RNF150: variants seen among roughly 807,000 people sequenced by gnomAD.
RNF150 encodes ring finger protein 150.
Under a neutral mutation model 39.3 loss-of-function variants are expected in RNF150, and 24 were observed. The ratio of observed to expected loss-of-function variants is 0.61; its 90% CI spans 0.44 to 0.86. RNF150 has a LOEUF of 0.86. Ranked by LOEUF, RNF150 falls within the 40% of genes least tolerant of loss-of-function variation. The pLI, the probability that RNF150 is intolerant of heterozygous loss-of-function variation, is 0.00. For synonymous variants in RNF150, 255 were observed against 227.3 expected (o/e 1.12, Z -1.10); for missense variants, 502 against 587.8 (o/e 0.85, Z 1.51).
At chr4:141,163,436 A>G (rs1373889547) in intron 1 of RNF150, among the ~76,000 whole-genome samples, 1 of 152,224 alleles carries the variant, frequency 6.6e-6, no homozygotes, top group Admixed American at 6.5e-5. Context: ...ATCTCTCAGC[A>G]CAGCACTCAA....
chr4:140,957,119 A>G (rs1732789370), intron 2 of RNF150, among the ~76,000 whole-genome samples: 1 of 150,214 alleles, frequency 6.7e-6, no homozygotes, highest in Non-Finnish European at 1.5e-5. Flanking sequence ...TGAACAGGCA[A>G]CCTACAAAAT....
intron 1 of RNF150, among the ~76,000 whole-genome samples, chr4:141,010,376 C>T (rs1236015613): frequency 6.6e-6 from 1 of 152,100 alleles, no homozygotes; most frequent in African/African-American, 2.4e-5. Flanking sequence ...TTTTGATTTA[C>T]TCAGGTTGAA....
At chr4:140,957,287 A>G (rs1732798501) in intron 2 of RNF150, among the ~76,000 whole-genome samples, 2 of 152,146 alleles carry the variant, frequency 1.3e-5, no homozygotes, top group Admixed American at 1.3e-4. Flanking sequence ...GCAGCCAAAA[A>G]ACACATGAAA....
chr4:141,052,347 T>C (rs1216767250), intron 1 of RNF150, among the ~76,000 whole-genome samples: 1 of 152,164 alleles, frequency 6.6e-6, no homozygotes, highest in African/African-American at 2.4e-5. Context: ...ATACGTAATA[T>C]TTCACATTAG....
chr4:141,187,902 GT>G (rs1327597293), intron 1 of RNF150, among the ~76,000 whole-genome samples: 22 of 152,158 alleles, frequency 1.4e-4, no homozygotes, highest in Middle Eastern at 3.4e-3. Context: ...ATGTTAGCTG[GT>G]TTTTTTGCAT....
chr4:141,056,424 A>G (rs1736974458), intron 1 of RNF150, among the ~76,000 whole-genome samples: 1 of 152,072 alleles, frequency 6.6e-6, no homozygotes, highest in Non-Finnish European at 1.5e-5. Context: ...CAAAATACTT[A>G]AACACCTGCC....
At chr4:141,064,268 G>A (rs1737365169) in intron 1 of RNF150, among the ~76,000 whole-genome samples, 2 of 152,168 alleles carry the variant, frequency 1.3e-5, no homozygotes, top group African/African-American at 2.4e-5. Flanking sequence ...AGATCTGAAC[G>A]TCGTGGACTC....
intron 1 of RNF150, among the ~76,000 whole-genome samples, chr4:141,074,561 G>A (rs150487806): frequency 2.6e-5 from 4 of 152,246 alleles, no homozygotes; most frequent in Non-Finnish European, 5.9e-5. Flanking sequence ...TAGAGGACTA[G>A]AGTAATAAAA....
chr4:140,959,297 TTA>T (rs1317977011), intron 2 of RNF150, among the ~76,000 whole-genome samples: 1 of 152,066 alleles, frequency 6.6e-6, no homozygotes, highest in Non-Finnish European at 1.5e-5. Flanking sequence ...GGTGTGACAT[TTA>T]TGTCTGATTA....
rs867505675 is a variant in RNF150 at position 141,098,942 on chromosome 4, A to G, written c.484+33383T>C. ...ATTTTTCTAGTTGTTTTTAACAATC[A>G]CGAGAATGGAGTTCCTTGAGCACTT... On this transcript the variant is annotated intron_variant, in intron 1 of 6. Coordinates refer to ENST00000515673, the MANE Select transcript of RNF150 (RefSeq NM_020724.2). Among the ~76,000 whole-genome samples the G allele has an allele frequency of 7.2e-5, 11 of 152,266 alleles. 1 individual carries two copies. Among genetic ancestry groups the G allele is most frequent in the Middle Eastern group, 3.4e-3 (1 of 294 alleles).
intron 4 of RNF150, among the ~76,000 whole-genome samples, chr4:140,932,869 T>G (rs754496108): frequency 5.1e-4 from 77 of 152,322 alleles, no homozygotes; most frequent in Middle Eastern, 3.4e-3. Flanking sequence ...TAACAATGTT[T>G]GAGATAGTGA....
chr4:141,061,735 C>CA (rs1737237787), intron 1 of RNF150, among the ~76,000 whole-genome samples: 1 of 152,126 alleles, frequency 6.6e-6, no homozygotes, highest in East Asian at 1.9e-4. Flanking sequence ...CAACTACACA[C>CA]AAAAAAATTA....
intron 1 of RNF150, among the ~76,000 whole-genome samples, chr4:141,179,745 C>T (rs1216596658): frequency 3.3e-5 from 5 of 152,108 alleles, no homozygotes; most frequent in Admixed American, 2.0e-4. Context: ...TATACCATGT[C>T]GCAGGGGAAA....
At position 140,967,452 on chromosome 4, in the gene RNF150, C is replaced by G. The variant is rs755892464; in HGVS notation, c.735+171G>C. ...TTTACATAAAAACACAGTAAAACAT[C>G]AAAATAGATATATTTGGATAATATC... On this transcript the variant is annotated intron_variant, in intron 2 of 6. Coordinates refer to ENST00000515673, the MANE Select transcript of RNF150 (RefSeq NM_020724.2). Among the ~76,000 whole-genome samples the G allele has an allele frequency of 2.0e-5, 3 of 151,866 alleles. No individual in the cohort carries two copies. The South Asian group carries it at 6.2e-4, about 32-fold the overall frequency.
intron 1 of RNF150, among the ~76,000 whole-genome samples, chr4:141,075,577 CTA>C (rs1411619491): frequency 2.0e-5 from 3 of 152,310 alleles, no homozygotes; most frequent in South Asian, 4.1e-4. Context: ...GAAAATCTCT[CTA>C]GTTTCTTTTC....
intron 1 of RNF150, among the ~76,000 whole-genome samples, chr4:141,078,449 C>T (rs1279163411): frequency 6.6e-6 from 1 of 151,984 alleles, no homozygotes; most frequent in Admixed American, 6.6e-5. Flanking sequence ...ACCAGGCTTG[C>T]TTTCAAAATC....
chr4:141,161,628 C>A (rs1727514318), intron 1 of RNF150, among the ~76,000 whole-genome samples: 1 of 152,232 alleles, frequency 6.6e-6, no homozygotes, highest in Non-Finnish European at 1.5e-5. Context: ...CCACCACAGG[C>A]CCAGAGGCCT....
At chr4:140,999,856 A>G (rs1440790401) in intron 1 of RNF150, among the ~76,000 whole-genome samples, 1 of 150,918 alleles carries the variant, frequency 6.6e-6, no homozygotes, top group Non-Finnish European at 1.5e-5. Flanking sequence ...AATCTCTTGA[A>G]TCTGGGAGGC....
intron 1 of RNF150, among the ~76,000 whole-genome samples, chr4:141,171,019 C>T (rs1482594691): frequency 6.6e-6 from 1 of 151,928 alleles, no homozygotes; most frequent in Non-Finnish European, 1.5e-5. Context: ...AATCTTTCTC[C>T]AAGGAAATCA....
Sources: allele counts gnomAD v4.1 joint callset (sites outside exome capture counted in the v4.1 genomes callset), GRCh38; gene constraint gnomAD v4.1.1; transcripts MANE v1.5; gene names NCBI Gene and HGNC (gene_info 2026-07-23, HGNC 2026-07-21).